The following MCM6 variants were observed in gnomAD, a reference collection of about 807,000 sequenced individuals.
MCM6 encodes minichromosome maintenance complex component 6.
In MCM6, 46 loss-of-function variants were observed where a neutral mutation model predicts 94.3. That is an observed-to-expected ratio of 0.49 (90% CI 0.39 to 0.62). MCM6 has a LOEUF of 0.62. MCM6 is among the 20% of genes least tolerant of loss of function. MCM6 has a pLI of 0.00. For missense variants in MCM6, 865 were observed against 1,017.9 expected (o/e 0.85, Z 2.04); for synonymous variants, 335 against 351.9 (o/e 0.95, Z 0.54).
intron 16 of MCM6, 73 bp from the exon 17 acceptor site, chr2:135,841,024 C>T: frequency 9.4e-7 from 1 of 1,063,588 alleles, no homozygotes. Flanking sequence ...AAGACTTGAC[C>T]CTTCTTCCGA....
chr2:135,860,489 T>A (rs910977997), intron 8 of MCM6, among the ~76,000 whole-genome samples: 1 of 152,138 alleles, frequency 6.6e-6, no homozygotes, highest in Non-Finnish European at 1.5e-5. Flanking sequence ...CAATCATCTA[T>A]CAGAAGGTCT....
intron 14 of MCM6, among the ~76,000 whole-genome samples, chr2:135,846,615 T>G (rs1679676209): frequency 6.6e-6 from 1 of 152,154 alleles, no homozygotes; most frequent in African/African-American, 2.4e-5. Flanking sequence ...GTGCTGGGAT[T>G]ACAGGTGTGG....
At chr2:135,845,060 C>T (rs1435677925) in intron 15 of MCM6, among the ~76,000 whole-genome samples, 1 of 152,160 alleles carries the variant, frequency 6.6e-6, no homozygotes, top group African/African-American at 2.4e-5. Flanking sequence ...GAAGCAACAG[C>T]AAGCAAAAAT....
intron 7 of MCM6, among the ~76,000 whole-genome samples, chr2:135,863,113 A>C (rs1052030901): frequency 6.6e-6 from 1 of 152,232 alleles, no homozygotes; most frequent in African/African-American, 2.4e-5. Context: ...CACATTTGCT[A>C]GTCCTTTTTA....
At chr2:135,867,999 C>T (rs1208211771) in intron 4 of MCM6, among the ~76,000 whole-genome samples, 2 of 152,046 alleles carry the variant, frequency 1.3e-5, no homozygotes, top group Non-Finnish European at 2.9e-5. Flanking sequence ...TGCACTCCAG[C>T]CTGGGTGACA....
chr2:135,876,190 A>C (rs1016239548), intron 1 of MCM6, 69 bp downstream of exon 1: 2 of 1,259,732 alleles, frequency 1.6e-6, no homozygotes. Flanking sequence ...CGCCGCCCAC[A>C]CGGCACCGCC....
intron 1 of MCM6, among the ~76,000 whole-genome samples, chr2:135,875,795 G>A (rs1680285027): frequency 6.6e-6 from 1 of 152,330 alleles, no homozygotes; most frequent in East Asian, 1.9e-4. Context: ...CACAAGAGGC[G>A]AGGGTGGCCC....
intron 7 of MCM6, among the ~76,000 whole-genome samples, chr2:135,864,125 TA>T (rs1406385106): frequency 1.3e-5 from 2 of 151,344 alleles, no homozygotes; most frequent in Non-Finnish European, 2.9e-5. Context: ...TAAAATAGAA[TA>T]AAAAAAGATA....
At chr2:135,851,330 C>T (rs1679777121) in intron 13 of MCM6, 72 bp downstream of exon 13, 1 of 1,226,650 alleles carries the variant, frequency 8.2e-7, no homozygotes. Flanking sequence ...TAGTATGTCC[C>T]ATACCAAAGA....
Position 135,851,407 on chromosome 2 carries a change from C to T in MCM6, c.1912G>A (p.Asp638Asn). The part of the protein sequence containing the change: ...SEAMARMHCC[D>N]EVQPKHVKEA... Reference sequence around the variant, plus strand: ...TATCAAAGTGACTCTGATACCTCATCACAGCAGTGCATCCGAGCCATAGCT... The same window carrying T: ...TATCAAAGTGACTCTGATACCTCATTACAGCAGTGCATCCGAGCCATAGCT... Residue 638 changes from aspartate to asparagine, a missense_variant, in exon 13 of 17, where the codon GAT becomes AAT. By Grantham distance (23) the Asp-to-Asn change is conservative (BLOSUM62 1). Transcript: ENST00000264156. 6.2e-7 allele frequency: 1 copy of T among 1,612,586 alleles called. No homozygotes were observed. The highest frequency in any genetic ancestry group is 8.5e-7 in the Non-Finnish European group (1 of 1,179,190).
rs764786500 is a variant in MCM6 at position 135,856,769 on chromosome 2, G to A, written c.1585C>T (p.Arg529Ter). 1 of 1,614,136 alleles carries A rather than the reference G, an allele frequency of 6.2e-7. No homozygotes were observed. Among genetic ancestry groups the A allele is most frequent in the Non-Finnish European group, 8.5e-7 (1 of 1,180,018 alleles). Residue 529 changes from arginine (R) to a stop codon, truncating the protein, a stop_gained, in exon 11 of 17, where the codon CGA (arginine) becomes TGA (stop). Transcript: ENST00000264156. LOFTEE classifies it high-confidence loss of function. ...NINLSAPIMS[R>*]FDLFFILVDE... ...ACAAGGATAAAGAAGAGATCGAATCGGGACATGATGGGAGCTGACAAATTT... is the reference window on the plus strand; with the variant it reads ...ACAAGGATAAAGAAGAGATCGAATCAGGACATGATGGGAGCTGACAAATTT...
At chr2:135,863,603 C>T (rs1352741342) in intron 7 of MCM6, among the ~76,000 whole-genome samples, 3 of 152,064 alleles carry the variant, frequency 2.0e-5, no homozygotes, top group Non-Finnish European at 4.4e-5. Context: ...TGGTGGCAGG[C>T]GCCTGTAGTC....
At chr2:135,854,924 G>T (rs1439897142) in intron 11 of MCM6, among the ~76,000 whole-genome samples, 8 of 152,220 alleles carry the variant, frequency 5.3e-5, no homozygotes, top group Non-Finnish European at 1.5e-5. Flanking sequence ...GGAGGCTGAG[G>T]TCGGTGGATC....
chr2:135,872,851 T>C lies in MCM6; in HGVS notation c.108-8A>G. 6.2e-7 allele frequency: 1 copy of C among 1,613,690 alleles called. No homozygotes were observed. The highest frequency in any genetic ancestry group is 8.5e-7 in the Non-Finnish European group (1 of 1,179,826). ...CCATCGCTGCTCTGAAACCTGCAGG[T>C]ACATTCGAGTCAACTAGATTAAGGA... On this transcript the variant is annotated splice_region_variant and splice_polypyrimidine_tract_variant and intron_variant, in intron 1 of 16. Coordinates refer to ENST00000264156, the MANE Select transcript of MCM6 (RefSeq NM_005915.6).
rs757561486 is a variant in MCM6 at position 135,846,364 on chromosome 2, G to A, written c.2082C>T (p.Asn694=). 6.8e-6 allele frequency: 11 copies of A among 1,614,074 alleles called. No individual in the cohort carries two copies. In the East Asian group the frequency reaches 1.1e-4, roughly 16 times the overall value. Reference sequence around the variant, plus strand: ...TGTCTTCATTGTAGCCATTGATCCCGTTCACAGGAGCAGGGCTGTCAGCAT... The same window carrying A: ...TGTCTTCATTGTAGCCATTGATCCCATTCACAGGAGCAGGGCTGTCAGCAT... ...NGHADSPAPV[N]GINGYNEDIN... Residue 694 remains asparagine, a synonymous_variant, in exon 15 of 17, where the codon AAC becomes AAT. Coordinates refer to ENST00000264156, the MANE Select transcript of MCM6 (RefSeq NM_005915.6).
rs759630219 is a variant in MCM6, at chr2:135,868,855, C to T, written c.371G>A (p.Arg124Gln). ...ACCAATTCTGGATGAGGTGAGCTCT[C>T]GAATCCTGTTTAAAGACAAATGTCC... ...FQDLPTRHKI[R>Q]ELTSSRIGLL... Residue 124 changes from arginine (R) to glutamine (Q), a missense_variant, in exon 4 of 17, where the codon CGA (arginine) becomes CAA (glutamine). Transcript: ENST00000264156. 6 of 1,613,762 alleles carry T rather than the reference C, an allele frequency of 3.7e-6. No individual in the cohort carries two copies. The highest frequency in any genetic ancestry group is 5.1e-6 in the Non-Finnish European group (6 of 1,179,816).
intron 12 of MCM6, 22 bp from the exon 13 acceptor site, chr2:135,851,585 G>A (rs1471440812): frequency 1.9e-6 from 3 of 1,564,076 alleles, no homozygotes; most frequent in African/African-American, 1.4e-5. Flanking sequence ...CATCACTCAA[G>A]TTAGAGAAAC....
intron 16 of MCM6, 64 bp from the exon 17 acceptor site, chr2:135,841,015 A>AGACTT: frequency 4.4e-6 from 5 of 1,142,058 alleles, no homozygotes; most frequent in Admixed American, 1.8e-5. Context: ...CAGATATACA[A>AGACTT]GACTTGACCC....
At chr2:135,862,898 G>C in intron 7 of MCM6, 150 bp from the exon 8 acceptor site, 1 of 737,572 alleles carries the variant, frequency 1.4e-6, no homozygotes, top group East Asian at 2.7e-5. Context: ...CCTGGCTTCC[G>C]ATCTTGGTTC....
Sources: allele counts gnomAD v4.1 joint callset (sites outside exome capture counted in the v4.1 genomes callset), GRCh38; gene constraint gnomAD v4.1.1; transcripts MANE v1.5; gene names NCBI Gene and HGNC (gene_info 2026-07-23, HGNC 2026-07-21).